Variants in ARID3A observed in about 807,000 individuals in gnomAD.
ARID3A encodes the protein AT-rich interaction domain 3A.
Under a neutral mutation model 52.7 loss-of-function variants are expected in ARID3A, and 11 were observed. That is an observed-to-expected ratio of 0.21 (90% CI 0.13 to 0.35). The LOEUF (loss-of-function observed/expected upper bound fraction) is 0.35. Among genes scored for constraint, ARID3A ranks in the 10% least tolerant of loss-of-function variants. ARID3A has a pLI of 1.00. For missense variants in ARID3A, 721 were observed against 838.5 expected, an observed-to-expected ratio of 0.86 and a Z score of 1.73; for synonymous variants, 404 against 359.4, an observed-to-expected ratio of 1.12 and a Z score of -1.40.
In ARID3A at chr19:973,104, A is replaced by ATCTTTTTTTTTTTT. The variant is rs775338115; in HGVS notation, c.*1040_*1041insCTTTTTTTTTTTTT. On this transcript the variant is annotated 3_prime_UTR_variant, in exon 9 of 9. Transcript: ENST00000263620. ...GGGCTCTCGAGTCAGGGGCCTGGAA[A>ATCTTTTTTTTTTTT]TTTTTTTTTTTTTTTTTTTTTGAGA... 302 of 53,656 alleles carry ATCTTTTTTTTTTTT rather than the reference A, an allele frequency of 5.6e-3. 36 individuals are homozygous for ATCTTTTTTTTTTTT. Among genetic ancestry groups the ATCTTTTTTTTTTTT allele is most frequent in the African/African-American group, 0.012 (166 of 14,248 alleles). 3.3% of individuals were successfully genotyped at this position (53,656 alleles called of 1,614,324 possible). A position where few individuals can be genotyped will look rare whatever the true frequency, so the allele number is the denominator to read the frequency against.
intron 2 of ARID3A, among the ~76,000 whole-genome samples, chr19:931,839 G>T (rs1464537561): frequency 6.6e-6 from 1 of 151,360 alleles, no homozygotes; most frequent in South Asian, 2.1e-4. Flanking sequence ...AAAAAAAACG[G>T]CTGCCAAGAA....
chr19:948,956 G>T (rs560883193), intron 3 of ARID3A, among the ~76,000 whole-genome samples: 1 of 152,026 alleles, frequency 6.6e-6, no homozygotes, highest in Non-Finnish European at 1.5e-5. Flanking sequence ...TGATCCGCCC[G>T]CCTCGGCCTC....
In ARID3A at chr19:932,687, CGCAGCT is replaced by C. The variant is rs759919737; in HGVS notation, c.644_649del (p.Leu215_Gln216del). ...CCCGGAGGGGCCGCCCACGTAGCCC[CGCAGCT>C]GCAGCCGCCTGACCACGGCGACTGG... On this transcript the variant is annotated inframe_deletion, in exon 3 of 9. Transcript: ENST00000263620. The C allele has an allele frequency of 1.3e-6, 2 of 1,546,966 alleles. No individual in the cohort carries two copies. The highest frequency in any genetic ancestry group is 2.7e-5 in the African/African-American group (2 of 73,000).
chr19:932,575 AAGGCC>A lies in ARID3A; in HGVS notation c.527_531del (p.Lys176ThrfsTer42). ...GGGCACCACGGCACTGTTCCCCCGA[AAGGCC>A]CAGCCACCCCAGGCCTTCCGCGGCG... is the stretch of plus-strand genomic sequence containing the variant. On this transcript the variant is annotated frameshift_variant, in exon 3 of 9. Transcript: ENST00000263620. LOFTEE classifies it high-confidence loss of function. 1 of 1,504,134 alleles carries A rather than the reference AAGGCC, an allele frequency of 6.6e-7. No individual in the cohort carries two copies. Among genetic ancestry groups the A allele is most frequent in the Non-Finnish European group, 8.9e-7 (1 of 1,129,464 alleles). 93.2% of individuals were successfully genotyped at this position (1,504,134 alleles called of 1,614,324 possible).
Position 971,917 on chromosome 19 carries a change from C to T in ARID3A, c.1634C>T (p.Ser545Phe). 6.2e-7 allele frequency: 1 copy of T among 1,605,034 alleles called. No homozygotes were observed. The highest frequency in any genetic ancestry group is 8.5e-7 in the Non-Finnish European group (1 of 1,175,870). Residue 545 changes from serine to phenylalanine, a missense_variant, in exon 9 of 9, where the codon TCT becomes TTT. By Grantham distance (155) the Ser-to-Phe change is radical. Around this residue, in one of 5 missense-constraint regions of ARID3A, gnomAD observed 297 missense variants for 343.2 expected, o/e 0.87. Coordinates refer to ENST00000263620, the MANE Select transcript of ARID3A (RefSeq NM_005224.3). ...CAGCCGCCGGCCCCCACGCCAACCT[C>T]TGCTCCCAACAAAGGAGGCGGCGGC... The part of the protein sequence containing the change: ...FAQPPAPTPT[S>F]APNKGGGGGG...
At chr19:953,140 G>C (rs1330274014) in intron 3 of ARID3A, among the ~76,000 whole-genome samples, 1 of 152,048 alleles carries the variant, frequency 6.6e-6, no homozygotes, top group East Asian at 1.9e-4. Context: ...GGTTCTAGGG[G>C]TGGTCCGGGC....
intron 3 of ARID3A, among the ~76,000 whole-genome samples, chr19:953,813 C>T (rs1015761504): frequency 1.3e-5 from 2 of 152,160 alleles, no homozygotes; most frequent in African/African-American, 4.8e-5. Flanking sequence ...GGGGCTCCTG[C>T]CTGTAATCCC....
rs369692596 is a variant in ARID3A, at chr19:943,839, CAT to C, written c.693+11098_693+11099del. Among the ~76,000 whole-genome samples the C allele has an allele frequency of 5.4e-4, 83 of 152,324 alleles. No individual in the cohort carries two copies. The East Asian group carries it at 0.01, about 19-fold the overall frequency. ...ACCAGGCTGTGCCTCCCTGGGCACA[CAT>C]GTGTCTGAGCCCGACCCTTTCATGG... On this transcript the variant is annotated intron_variant, in intron 3 of 8. Coordinates refer to ENST00000263620, the MANE Select transcript of ARID3A (RefSeq NM_005224.3).
In ARID3A at chr19:960,034, A is replaced by C. The variant is rs374675170; in HGVS notation, c.694-58A>C. 7 of 1,497,402 alleles carry C rather than the reference A, an allele frequency of 4.7e-6. No individual in the cohort carries two copies. The East Asian group carries it at 7.0e-5, about 15-fold the overall frequency. 92.8% of individuals were successfully genotyped at this position (1,497,402 alleles called of 1,614,324 possible). On this transcript the variant is annotated intron_variant, in intron 3 of 8. Transcript: ENST00000263620. The surrounding 1 kb of genome is among the most constrained non-coding windows in gnomAD (Gnocchi z 4.3). ...ACCTGGCCTCCAGTGCAGGAGGGAC[A>C]TGGTTCCCACACCTGAGCTCTGGCA...
chr19:951,553 A>G (rs951149281), intron 3 of ARID3A, among the ~76,000 whole-genome samples: 3 of 151,978 alleles, frequency 2.0e-5, no homozygotes, highest in Non-Finnish European at 2.9e-5. Context: ...CCTGTCTCAA[A>G]AAAAGGAAAA....
rs2037571886 is a variant in ARID3A at position 942,220 on chromosome 19, C to G, written c.693+9478C>G. The stretch of plus-strand genomic sequence containing the variant: ...AGCTGCCGGCAGAGCCCTGTCCACT[C>G]TTGCCTCAGTTTCCCTGCTGGACAC... On this transcript the variant is annotated intron_variant, in intron 3 of 8. Coordinates refer to ENST00000263620, the MANE Select transcript of ARID3A (RefSeq NM_005224.3). The surrounding 1 kb of genome is among the most constrained non-coding windows in gnomAD (Gnocchi z 8.1). 6.6e-6 allele frequency among the ~76,000 whole-genome samples: 1 copy of G among 152,186 alleles called. No homozygotes were observed. Among genetic ancestry groups the G allele is most frequent in the Admixed American group, 6.5e-5 (1 of 15,294 alleles).
At chr19:934,160 G>A (rs549879618) in intron 3 of ARID3A, among the ~76,000 whole-genome samples, 5 of 152,286 alleles carry the variant, frequency 3.3e-5, no homozygotes, top group Admixed American at 6.5e-5. Flanking sequence ...GGCAGGAGCC[G>A]GACGGAGACC....
intron 1 of ARID3A, among the ~76,000 whole-genome samples, chr19:926,994 C>T (rs1405833706): frequency 1.3e-5 from 2 of 151,740 alleles, no homozygotes; most frequent in Non-Finnish European, 2.9e-5. Flanking sequence ...TTCCTCCAGG[C>T]CCCCCCAACC....
At chr19:949,084 G>T (rs553090351) in intron 3 of ARID3A, among the ~76,000 whole-genome samples, 1 of 152,144 alleles carries the variant, frequency 6.6e-6, no homozygotes, top group Admixed American at 6.5e-5. Context: ...CCGCCTCTCC[G>T]GACTGTGGAC....
At chr19:965,164 C>A in intron 6 of ARID3A, 84 bp downstream of exon 6, 1 of 1,422,246 alleles carries the variant, frequency 7.0e-7, no homozygotes. Flanking sequence ...CTCTTCCCCT[C>A]TCTGGGTAAC....
At chr19:940,775 C>T (rs1313363659) in intron 3 of ARID3A, among the ~76,000 whole-genome samples, 2 of 152,140 alleles carry the variant, frequency 1.3e-5, no homozygotes, top group East Asian at 1.9e-4. Context: ...CCTGGGCCTC[C>T]GGGAGCCCCG....
In ARID3A at chr19:960,195, G is replaced by A. The variant is rs374854563; in HGVS notation, c.766+31G>A. 4.0e-5 allele frequency: 63 copies of A among 1,581,844 alleles called. 1 individual carries two copies. Among genetic ancestry groups the A allele is most frequent in the Non-Finnish European group, 5.4e-5 (62 of 1,158,334 alleles). On this transcript the variant is annotated intron_variant, in intron 4 of 8. Transcript: ENST00000263620. This position sits in a 1 kb window ranked among gnomAD's most constrained non-coding sequence, Gnocchi z 4.3. ...CCCTCTGCCCCCACCCCGCTGGAGG[G>A]AGGTCACAGAAACAGGGCTGTAGGA...
intron 8 of ARID3A, 116 bp downstream of exon 8, chr19:968,619 G>C: frequency 1.1e-6 from 1 of 870,202 alleles, no homozygotes; most frequent in South Asian, 1.5e-5. Flanking sequence ...GGGCGAGCAG[G>C]GCACGGCCAG....
Position 960,400 on chromosome 19 carries a change from G to A in ARID3A, c.766+236G>A, listed in dbSNP as rs564922533. ...TAAGGGGTAGGTCCCTTGGTGGGGG[G>A]CAGGGCAGTCTCAGGGCCCCAACCC... On this transcript the variant is annotated intron_variant, in intron 4 of 8. Transcript: ENST00000263620. This position sits in a 1 kb window ranked among gnomAD's most constrained non-coding sequence, Gnocchi z 4.3. Among the ~76,000 whole-genome samples the A allele has an allele frequency of 1.3e-5, 2 of 152,218 alleles. No homozygotes were observed. Among genetic ancestry groups the A allele is most frequent in the African/African-American group, 4.8e-5 (2 of 41,528 alleles).
Sources: allele counts gnomAD v4.1 joint callset (sites outside exome capture counted in the v4.1 genomes callset), GRCh38; gene constraint gnomAD v4.1.1; regional missense constraint gnomAD v4.1.1; non-coding constraint Gnocchi (gnomAD v3.1); transcripts MANE v1.5; gene names NCBI Gene and HGNC (gene_info 2026-07-23, HGNC 2026-07-21).